CDH5: variants seen among roughly 807,000 people sequenced by gnomAD.
The protein encoded by CDH5 is cadherin 5.
CDH5 carries 28 observed loss-of-function variants against 62.0 expected under a neutral mutation model. The observed-to-expected ratio is 0.45, with a 90% CI of 0.33 to 0.62. CDH5 has a LOEUF of 0.62. Among genes scored for constraint, CDH5 ranks in the 20% least tolerant of loss-of-function variants. The pLI is 0.02. For synonymous variants in CDH5, 464 were observed against 445.8 expected, an observed-to-expected ratio of 1.04 and a Z score of -0.52; for missense variants, 940 against 1,065.1, an observed-to-expected ratio of 0.88 and a Z score of 1.63.
At chr16:66,396,351 C>A in intron 8 of CDH5, 150 bp downstream of exon 8, 2 of 891,784 alleles carry the variant, frequency 2.2e-6, no homozygotes, top group South Asian at 3.1e-5. Context: ...AGCTCCCATG[C>A]CCAAGTGTGG....
chr16:66,370,428 CTTCT>C (rs1008699901), intron 1 of CDH5, among the ~76,000 whole-genome samples: 1 of 152,182 alleles, frequency 6.6e-6, no homozygotes, highest in Non-Finnish European at 1.5e-5. Flanking sequence ...CAAGGAGGAG[CTTCT>C]TTAAGTTATA....
Position 66,396,069 on chromosome 16 carries a change from C to T in CDH5, c.1228C>T (p.Arg410Cys), listed in dbSNP as rs376317308. ...AARHSIGYSIRRTSDKGQFFR... is the reference protein window; with the variant it reads ...AARHSIGYSICRTSDKGQFFR... The stretch of plus-strand genomic sequence containing the variant: ...CTCTCCCCTGGGCAGATACTCCATC[C>T]GCAGGACCAGTGACAAGGGCCAGTT... Residue 410 changes from arginine to cysteine, a missense_variant, in exon 8 of 12, where the codon CGC (arginine) becomes TGC (cysteine). Coordinates refer to ENST00000341529, the MANE Select transcript of CDH5 (RefSeq NM_001795.5). 14 of 1,613,574 alleles carry T rather than the reference C, an allele frequency of 8.7e-6. No homozygotes were observed. Among genetic ancestry groups the T allele is most frequent in the South Asian group, 5.5e-5 (5 of 91,052 alleles).
chr16:66,400,099 T>C (rs1293548237), intron 10 of CDH5, among the ~76,000 whole-genome samples: 4 of 152,166 alleles, frequency 2.6e-5, no homozygotes, highest in Non-Finnish European at 4.4e-5. Context: ...TGTGTGAGCA[T>C]AGGGGTCTGA....
In CDH5 at chr16:66,371,099, G is replaced by C. The variant is rs532446287; in HGVS notation, c.-20+4341G>C. On this transcript the variant is annotated intron_variant, in intron 1 of 11. Transcript: ENST00000341529. ...AGAAGGGGCCAGGTCATAGCTGCCT[G>C]GCCAAACCCCATTCCCGAGCTCCCA... Among the ~76,000 whole-genome samples, 323 of 152,240 alleles carry C rather than the reference G, an allele frequency of 2.1e-3. 6 individuals are homozygous for C. Among genetic ancestry groups the C allele is most frequent in the Non-Finnish European group, 2.4e-4 (16 of 68,000 alleles).
chr16:66,402,581 G>T, intron 11 of CDH5, 71 bp from the exon 12 acceptor site: 2 of 1,365,110 alleles, frequency 1.5e-6, no homozygotes, highest in Admixed American at 2.8e-5. Flanking sequence ...GGGGCAGTGG[G>T]GATGGGGGCA....
intron 1 of CDH5, among the ~76,000 whole-genome samples, chr16:66,370,643 C>A (rs115375096): frequency 6.6e-6 from 1 of 152,142 alleles, no homozygotes; most frequent in Non-Finnish European, 1.5e-5. Context: ...AGGCCCAGAA[C>A]CTGCCTGGGC....
chr16:66,388,341 G>A lies in CDH5; in HGVS notation c.517G>A (p.Val173Met). The change falls in exon 4 of 12, where the codon GTG becomes ATG. Residue 173 changes from valine to methionine, a missense_variant. Coordinates refer to ENST00000341529, the MANE Select transcript of CDH5 (RefSeq NM_001795.5). Reference sequence around the variant, plus strand: ...CTCTGCAGGGACCTCAGTCATCTCTGTGACAGCAGTGGATGCAGACGACCC... The same window carrying A: ...CTCTGCAGGGACCTCAGTCATCTCTATGACAGCAGTGGATGCAGACGACCC... The part of the protein sequence containing the change: ...SSAVGTSVIS[V>M]TAVDADDPTV... The A allele has an allele frequency of 7.4e-6, 12 of 1,613,170 alleles. No homozygotes were observed. Among genetic ancestry groups the A allele is most frequent in the Non-Finnish European group, 1.0e-5 (12 of 1,179,082 alleles).
chr16:66,370,729 C>T (rs1175391853), intron 1 of CDH5, among the ~76,000 whole-genome samples: 1 of 152,140 alleles, frequency 6.6e-6, no homozygotes, highest in Non-Finnish European at 1.5e-5. Context: ...CAGTGTGGGC[C>T]TTGAGAAGAA....
chr16:66,373,746 G>T (rs1371467088), intron 1 of CDH5, among the ~76,000 whole-genome samples: 1 of 152,122 alleles, frequency 6.6e-6, no homozygotes, highest in Admixed American at 6.5e-5. Flanking sequence ...CAGATGGGAA[G>T]GTCCCACAGG....
At chr16:66,374,748 A>G (rs1430648313) in intron 1 of CDH5, among the ~76,000 whole-genome samples, 2 of 138,828 alleles carry the variant, frequency 1.4e-5, no homozygotes, top group African/African-American at 5.5e-5. Context: ...TGAATGTGTT[A>G]GTTTTGACCG....
chr16:66,372,464 A>T (rs1204336372), intron 1 of CDH5, among the ~76,000 whole-genome samples: 1 of 152,128 alleles, frequency 6.6e-6, no homozygotes, highest in Non-Finnish European at 1.5e-5. Context: ...TGGGGTGGGG[A>T]GCTTCCCAGA....
intron 1 of CDH5, among the ~76,000 whole-genome samples, chr16:66,373,499 C>T (rs754270588): frequency 1.3e-5 from 2 of 151,844 alleles, no homozygotes; most frequent in Non-Finnish European, 2.9e-5. Context: ...CACTGCAACC[C>T]CCGCCTCCCA....
At chr16:66,388,731 G>C (rs1046993303) in intron 4 of CDH5, among the ~76,000 whole-genome samples, 6 of 152,184 alleles carry the variant, frequency 3.9e-5, no homozygotes, top group Non-Finnish European at 7.3e-5. Context: ...AGCCGCTCTG[G>C]GTGCAGGTTC....
intron 7 of CDH5, among the ~76,000 whole-genome samples, chr16:66,395,252 A>C (rs1383949473): frequency 1.3e-5 from 2 of 150,148 alleles, no homozygotes; most frequent in South Asian, 2.1e-4. Context: ...CTTCCCTTCA[A>C]AAATACTATC....
intron 3 of CDH5, 39 bp from the exon 4 acceptor site, chr16:66,388,285 C>A (rs1405668025): frequency 7.8e-7 from 1 of 1,286,768 alleles, no homozygotes; most frequent in Non-Finnish European, 1.1e-6. Context: ...AGGGGCCTAG[C>A]AGTCACAAGT....
Position 66,397,233 on chromosome 16 carries a change from A to G in CDH5, c.1361-749A>G, listed in dbSNP as rs573107797. ...TCTCATGGTACTAATTTTTTTTTTAAGAGAGAAACAGGGTCTCACTCTGTT... is the reference window on the plus strand; with the variant it reads ...TCTCATGGTACTAATTTTTTTTTTAGGAGAGAAACAGGGTCTCACTCTGTT... On this transcript the variant is annotated intron_variant, in intron 8 of 11. Transcript: ENST00000341529. Among the ~76,000 whole-genome samples, 22 of 151,978 alleles carry G rather than the reference A, an allele frequency of 1.4e-4. 2 individuals are homozygous for G. In the South Asian group the frequency reaches 3.7e-3, roughly 26 times the overall value.
intron 7 of CDH5, among the ~76,000 whole-genome samples, chr16:66,394,280 A>G (rs1338848102): frequency 1.3e-5 from 2 of 152,180 alleles, no homozygotes; most frequent in African/African-American, 4.8e-5. Flanking sequence ...TACATTTGTT[A>G]GTCCTGTTTT....
chr16:66,402,926 G>A lies in CDH5; in HGVS notation c.2112G>A (p.Glu704=). The A allele has an allele frequency of 1.2e-6, 2 of 1,612,210 alleles. No homozygotes were observed. Among genetic ancestry groups the A allele is most frequent in the Non-Finnish European group, 1.7e-6 (2 of 1,179,862 alleles). ...HAPGAHGGPG[E]MAAMIEVKKD... ...CTGGGGCACACGGAGGGCCCGGGGA[G>A]ATGGCAGCCATGATCGAGGTGAAGA... The change falls in exon 12 of 12, where the codon GAG becomes GAA. Residue 704 remains glutamate, a synonymous_variant. Transcript: ENST00000341529.
rs531117041 is a variant in CDH5, at chr16:66,373,554, T to C, written c.-19-5765T>C. On this transcript the variant is annotated intron_variant, in intron 1 of 11. Coordinates refer to ENST00000341529, the MANE Select transcript of CDH5 (RefSeq NM_001795.5). ...CCTCAGCCTCCCGAGTAGCTGGGAC[T>C]ATAGGCATGCGCCACCATGCCAGGC... Among the ~76,000 whole-genome samples the C allele has an allele frequency of 1.8e-3, 272 of 152,218 alleles. 2 individuals are homozygous for C. The highest frequency in any genetic ancestry group is 6.3e-3 in the African/African-American group (261 of 41,512).
Sources: gnomAD v4.1 joint callset for allele counts (sites outside exome capture counted in the v4.1 genomes callset) on GRCh38, gnomAD v4.1.1 for gene constraint, MANE v1.5 for transcripts, NCBI Gene and HGNC (gene_info 2026-07-23, HGNC 2026-07-21) for gene names.